CTBP1: variants seen among roughly 807,000 people sequenced by gnomAD.
CTBP1 encodes the protein C-terminal binding protein 1, also known as C-terminal-binding protein 1.
In CTBP1, 11 loss-of-function variants were observed where a neutral mutation model predicts 42.1. The observed-to-expected ratio is 0.26, with a 90% CI of 0.16 to 0.43. The LOEUF (loss-of-function observed/expected upper bound fraction) is 0.43, where lower values mean the gene tolerates loss of function less well. Ranked by LOEUF, CTBP1 falls within the 20% of genes least tolerant of loss-of-function variation. The pLI is 1.00. For missense variants in CTBP1, 399 were observed against 624.3 expected (o/e 0.64, Z 3.85); for synonymous variants, 324 against 277.1 (o/e 1.17, Z -1.68).
intron 3 of CTBP1, among the ~76,000 whole-genome samples, chr4:1,229,311 A>G (rs756078875): frequency 1.1e-4 from 16 of 152,174 alleles, no homozygotes; most frequent in Non-Finnish European, 2.1e-4. Context: ...ATCCACCCGC[A>G]CACGTCCATC....
At chr4:1,223,878 G>A (rs1730019462) in intron 5 of CTBP1, among the ~76,000 whole-genome samples, 1 of 152,266 alleles carries the variant, frequency 6.6e-6, no homozygotes, top group African/African-American at 2.4e-5. Context: ...GGGCCTGGCT[G>A]TGTGGGGCCG....
intron 2 of CTBP1, among the ~76,000 whole-genome samples, chr4:1,240,356 C>T (rs1270026635): frequency 2.4e-5 from 2 of 82,522 alleles, no homozygotes; most frequent in African/African-American, 5.9e-5. Flanking sequence ...GGGGGACTCC[C>T]GGGTGCTGGG....
chr4:1,242,728 C>T, intron 1 of CTBP1: 3 of 985,226 alleles, frequency 3.0e-6, no homozygotes, highest in Non-Finnish European at 3.6e-6. Context: ...TGCGCCTGAG[C>T]CCCCATGACC....
intron 4 of CTBP1, among the ~76,000 whole-genome samples, chr4:1,227,295 G>A (rs1352735772): frequency 6.6e-6 from 1 of 152,206 alleles, no homozygotes; most frequent in Non-Finnish European, 1.5e-5. Context: ...AGGTGCAGAT[G>A]AGTGTGCGTG....
Position 1,214,437 on chromosome 4 carries a change from C to A in CTBP1, c.766G>T (p.Gly256Cys). 6.3e-7 allele frequency: 1 copy of A among 1,588,852 alleles called. No homozygotes were observed. Among genetic ancestry groups the A allele is most frequent in the Non-Finnish European group, 8.5e-7 (1 of 1,169,854 alleles). The change falls in exon 7 of 10, where the codon GGT (glycine) becomes TGT (cysteine). Residue 256 changes from glycine (G) to cysteine (C), a missense_variant. Gly to Cys is a radical substitution (Grantham distance 159, BLOSUM62 -3). Transcript: ENST00000382952. ...QGAFLVNTAR[G>C]GLVDEKALAQ... Reference sequence around the variant, plus strand: ...AGCGCCTTCTCATCCACCAGGCCACCCCGGGCTGTGTTCACCAGGAAGGCC... The same window carrying A: ...AGCGCCTTCTCATCCACCAGGCCACACCGGGCTGTGTTCACCAGGAAGGCC...
chr4:1,216,984 G>A (rs1481610320), intron 5 of CTBP1: 1 of 152,690 alleles, frequency 6.5e-6, no homozygotes, highest in Non-Finnish European at 1.5e-5. Flanking sequence ...AAGGAAGCAG[G>A]TTGAGCGCCG....
At chr4:1,249,803 C>G, upstream of CTBP1, 1 of 244,350 alleles carries the variant, frequency 4.1e-6, no homozygotes, top group Non-Finnish European at 8.7e-6. Flanking sequence ...CCCCATTTCT[C>G]TTTTAACAAG....
intron 5 of CTBP1, among the ~76,000 whole-genome samples, chr4:1,224,783 G>A (rs369806013): frequency 3.3e-5 from 5 of 151,294 alleles, no homozygotes; most frequent in Admixed American, 6.6e-5. Context: ...CGTCTGTGCT[G>A]TGATGTCCAT....
intron 3 of CTBP1, chr4:1,236,450 C>T: frequency 3.5e-6 from 2 of 577,102 alleles, no homozygotes; most frequent in East Asian, 2.9e-5. Flanking sequence ...CCTTACTCCA[C>T]CCCCGCCACA....
chr4:1,212,557 T>C lies in CTBP1; in HGVS notation c.1107-134A>G, dbSNP rs576841181. 32 of 800,400 alleles carry C rather than the reference T, an allele frequency of 4.0e-5. No homozygotes were observed. The African/African-American group carries it at 5.3e-4, about 13-fold the overall frequency. The allele number at this position is 800,400 out of a possible 1,614,324, so 49.6% of individuals were successfully genotyped here. A position where few individuals can be genotyped will look rare whatever the true frequency, so the allele number is the denominator to read the frequency against. ...CAGTCAGGGTAAGGATCCCGGCCTT[T>C]ACACGGATGTTCCTGCCTATGGCAG... On this transcript the variant is annotated intron_variant, in intron 9 of 9. Transcript: ENST00000382952.
At chr4:1,248,081 G>A (rs1033728466) in intron 1 of CTBP1, among the ~76,000 whole-genome samples, 1 of 152,196 alleles carries the variant, frequency 6.6e-6, no homozygotes, top group Non-Finnish European at 1.5e-5. Flanking sequence ...GGGAAAGAGA[G>A]GCTCCGCGCA....
At chr4:1,241,617 T>C (rs1732184841) in intron 1 of CTBP1, 98 bp from the exon 2 acceptor site, 1 of 1,438,194 alleles carries the variant, frequency 7.0e-7, no homozygotes, top group Admixed American at 2.1e-5. Flanking sequence ...CCTCACTGCA[T>C]CTGCCACACC....
intron 4 of CTBP1, among the ~76,000 whole-genome samples, chr4:1,226,737 C>T (rs559373390): frequency 1.5e-3 from 223 of 151,870 alleles, no homozygotes; most frequent in African/African-American, 5.0e-3. Context: ...CCCAGGCCTG[C>T]ACCCGACACC....
chr4:1,249,685 A>G (rs896257813), upstream of CTBP1: 2 of 416,428 alleles, frequency 4.8e-6, no homozygotes, highest in South Asian at 1.6e-5. Context: ...CCCCGAGAGG[A>G]GAAGCGCGCC....
intron 1 of CTBP1, chr4:1,245,692 GTGGCACGGGCGGGCAGGA>G (rs1366023575): frequency 5.1e-6 from 5 of 983,798 alleles, no homozygotes; most frequent in Admixed American, 6.2e-5. Context: ...GGTGGGCAGG[GTGGCACGGGCGGGCAGGA>G]TGGCACAAGC....
chr4:1,231,894 C>A (rs985877279), intron 3 of CTBP1, among the ~76,000 whole-genome samples: 14 of 152,336 alleles, frequency 9.2e-5, no homozygotes, highest in African/African-American at 3.4e-4. Context: ...GCAGGCCAGG[C>A]CAGGGGTTAC....
chr4:1,225,065 C>T (rs537926058), intron 5 of CTBP1, among the ~76,000 whole-genome samples: 4 of 151,526 alleles, frequency 2.6e-5, no homozygotes, highest in Admixed American at 2.6e-4. Context: ...TCTGCATGTG[C>T]CCATGAGACC....
At chr4:1,231,714 C>G (rs1247982869) in intron 3 of CTBP1, among the ~76,000 whole-genome samples, 1 of 152,242 alleles carries the variant, frequency 6.6e-6, no homozygotes, top group Non-Finnish European at 1.5e-5. Flanking sequence ...GCAGATGTTT[C>G]TCTACGACAC....
At chr4:1,246,284 G>T (rs781315886) in intron 1 of CTBP1, among the ~76,000 whole-genome samples, 1 of 151,990 alleles carries the variant, frequency 6.6e-6, no homozygotes, top group Non-Finnish European at 1.5e-5. Context: ...TCCACCCGGC[G>T]CTCCGACCAG....
Sources: allele counts gnomAD v4.1 joint callset (sites outside exome capture counted in the v4.1 genomes callset), GRCh38; gene constraint gnomAD v4.1.1; transcripts MANE v1.5; gene names NCBI Gene and HGNC (gene_info 2026-07-23, HGNC 2026-07-21).